The following RBFOX1 variants were observed in gnomAD, a reference collection of about 807,000 sequenced individuals.
The protein encoded by RBFOX1 is RNA binding protein fox-1 homolog 1.
Under a neutral mutation model 57.7 loss-of-function variants are expected in RBFOX1, and 8 were observed. The observed-to-expected ratio is 0.14, with a 90% confidence interval of 0.08 to 0.25. The LOEUF (loss-of-function observed/expected upper bound fraction) is 0.25, where lower values mean the gene tolerates loss of function less well. Among genes scored for constraint, RBFOX1 ranks in the 10% least tolerant of loss-of-function variants. The pLI, the probability that RBFOX1 is intolerant of heterozygous loss-of-function variation, is 1.00. For synonymous variants in RBFOX1, 326 were observed against 222.4 expected (o/e 1.47, Z -4.15); for missense variants, 611 against 548.5 (o/e 1.11, Z -1.14).
chr16:7,671,639 T>C (rs779491571), intron 13 of RBFOX1: 13 of 1,569,254 alleles, frequency 8.3e-6, no homozygotes, highest in Non-Finnish European at 1.1e-5. Flanking sequence ...ATCACTATGA[T>C]TGTGGGTTTG....
chr16:5,270,508 C>G (rs1326354176), intron 1 of RBFOX1: 2 of 664,614 alleles, frequency 3.0e-6, no homozygotes, highest in Admixed American at 4.0e-5. Context: ...AAATATGTTC[C>G]ATGGTTGAAA....
chr16:6,919,769 C>CTTTTTTTTTTTTTTTTTT (rs57240620), intron 3 of RBFOX1, among the ~76,000 whole-genome samples: 3 of 123,494 alleles, frequency 2.4e-5, no homozygotes, highest in Non-Finnish European at 3.3e-5. Flanking sequence ...TAAGATCATT[C>CTTTTTTTTTTTTTTTTTT]TTTTTTTTTT....
intron 2 of RBFOX1, among the ~76,000 whole-genome samples, chr16:6,518,434 C>T (rs967747752): frequency 6.6e-6 from 1 of 152,072 alleles, no homozygotes. Context: ...CAGGTGATGA[C>T]CGTGTGTCAT....
At chr16:6,923,303 G>A (rs2074892995) in intron 3 of RBFOX1, among the ~76,000 whole-genome samples, 1 of 152,112 alleles carries the variant, frequency 6.6e-6, no homozygotes, top group African/African-American at 2.4e-5. Context: ...GGATGCCAAG[G>A]CGGGAGGATC....
intron 2 of RBFOX1, among the ~76,000 whole-genome samples, chr16:6,541,484 G>A (rs903534673): frequency 3.9e-5 from 6 of 152,180 alleles, no homozygotes; most frequent in Non-Finnish European, 7.3e-5. Flanking sequence ...GATCTGCCGA[G>A]AAAGATGACA....
chr16:5,847,560 G>A (rs1460443420), intron 3 of RBFOX1, among the ~76,000 whole-genome samples: 2 of 152,210 alleles, frequency 1.3e-5, no homozygotes, highest in African/African-American at 2.4e-5. Flanking sequence ...GTATGTCACG[G>A]TGTTGCATTA....
At chr16:6,826,943 A>C (rs1285037026) in intron 3 of RBFOX1, among the ~76,000 whole-genome samples, 1 of 152,162 alleles carries the variant, frequency 6.6e-6, no homozygotes, top group African/African-American at 2.4e-5. Flanking sequence ...CAAATGGAAG[A>C]AATAGGTGAG....
chr16:6,674,656 G>C (rs1456599772), intron 3 of RBFOX1, among the ~76,000 whole-genome samples: 7 of 152,094 alleles, frequency 4.6e-5, no homozygotes, highest in Admixed American at 4.6e-4. Flanking sequence ...ACCTGGAGAT[G>C]TACGAATGTA....
chr16:5,411,444 G>A (rs936634466), intron 1 of RBFOX1, among the ~76,000 whole-genome samples: 28 of 152,250 alleles, frequency 1.8e-4, no homozygotes, highest in Middle Eastern at 3.4e-3. Flanking sequence ...GCAAGGGAGC[G>A]ACTTCTCCAC....
intron 4 of RBFOX1, among the ~76,000 whole-genome samples, chr16:7,327,146 T>C (rs2096622148): frequency 6.6e-6 from 1 of 152,182 alleles, no homozygotes; most frequent in Non-Finnish European, 1.5e-5. Context: ...GGGACAACTT[T>C]GCAGAAGCTG....
intron 2 of RBFOX1, among the ~76,000 whole-genome samples, chr16:6,477,065 T>C (rs1007094898): frequency 1.3e-5 from 2 of 152,222 alleles, no homozygotes; most frequent in Non-Finnish European, 2.9e-5. Context: ...TCTAGTTCTT[T>C]AGCTATTTCC....
chr16:7,068,866 G>A (rs1421643133), intron 4 of RBFOX1, among the ~76,000 whole-genome samples: 3 of 152,238 alleles, frequency 2.0e-5, no homozygotes, highest in African/African-American at 7.2e-5. Context: ...TGGGGTTTCA[G>A]GCATGAGCCA....
chr16:5,891,702 C>T (rs148737106), intron 4 of RBFOX1, among the ~76,000 whole-genome samples: 1 of 152,098 alleles, frequency 6.6e-6, no homozygotes, highest in African/African-American at 2.4e-5. Flanking sequence ...TGAAGGGATC[C>T]ACCTGGGGAG....
Position 6,679,034 on chromosome 16 carries a change from G to A in RBFOX1, c.-16+24384G>A, listed in dbSNP as rs142566945. Among the ~76,000 whole-genome samples, 1,109 of 152,178 alleles carry A rather than the reference G, an allele frequency of 7.3e-3. 8 individuals are homozygous for A. The highest frequency in any genetic ancestry group is 0.012 in the Non-Finnish European group (786 of 68,018). On this transcript the variant is annotated intron_variant, in intron 3 of 15. Transcript: ENST00000550418. ...GTCAAAGAGATCGACTCTGCGTGTT[G>A]CTATTATATCTCTAACACCTCTCTA...
At chr16:5,417,540 G>A (rs566713873) in intron 1 of RBFOX1, among the ~76,000 whole-genome samples, 121 of 152,250 alleles carry the variant, frequency 7.9e-4, no homozygotes, top group African/African-American at 2.9e-3. Flanking sequence ...ATGATCAATC[G>A]TGGATTTCTT....
chr16:6,589,462 C>T (rs375745832), intron 2 of RBFOX1, among the ~76,000 whole-genome samples: 1 of 152,252 alleles, frequency 6.6e-6, no homozygotes, highest in East Asian at 1.9e-4. Flanking sequence ...GAGTCACTTC[C>T]TCGGTGGGGT....
intron 5 of RBFOX1, among the ~76,000 whole-genome samples, chr16:7,568,816 G>T (rs889178832): frequency 6.7e-6 from 1 of 148,840 alleles, no homozygotes; most frequent in Non-Finnish European, 1.5e-5. Context: ...GAACCCGGGA[G>T]GCGGAGCTTA....
intron 4 of RBFOX1, among the ~76,000 whole-genome samples, chr16:7,418,883 T>G (rs980998086): frequency 1.0e-4 from 2 of 19,538 alleles, no homozygotes; most frequent in African/African-American, 2.5e-4. Context: ...GAGTCGAGGT[T>G]TTTTTTTGTT....
intron 3 of RBFOX1, among the ~76,000 whole-genome samples, chr16:7,023,703 G>A (rs972128258): frequency 2.6e-5 from 4 of 151,778 alleles, no homozygotes; most frequent in Admixed American, 1.3e-4. Context: ...TCAGAGATGG[G>A]TGTTACTTAC....
Sources: gnomAD v4.1 joint callset for allele counts (sites outside exome capture counted in the v4.1 genomes callset) on GRCh38, gnomAD v4.1.1 for gene constraint, MANE v1.5 for transcripts, NCBI Gene and HGNC (gene_info 2026-07-23, HGNC 2026-07-21) for gene names.